WWOX: variants seen among roughly 807,000 people sequenced by gnomAD.
WWOX encodes the protein WW domain containing oxidoreductase.
A neutral mutation model predicts 46.2 loss-of-function variants in WWOX; 69 were observed. The observed-to-expected ratio is 1.49, with a 90% CI of 1.23 to 1.82. The LOEUF (loss-of-function observed/expected upper bound fraction) is 1.82, where lower values mean the gene tolerates loss of function less well. Ranked by LOEUF, WWOX falls within the 40% of genes most tolerant of loss-of-function variation. The probability of loss-of-function intolerance (pLI) is 0.00; values close to 1 mark genes in which losing one functional copy is unlikely to be tolerated. For missense variants in WWOX, 919 were observed against 542.6 expected (o/e 1.69, Z -6.89); for synonymous variants, 359 against 202.6 (o/e 1.77, Z -6.56).
chr16:78,582,871 G>A (rs189591074), intron 8 of WWOX, among the ~76,000 whole-genome samples: 37 of 152,212 alleles, frequency 2.4e-4, no homozygotes, highest in African/African-American at 7.2e-4. Context: ...GTGATGTACC[G>A]GGAACCTCCT....
intron 5 of WWOX, among the ~76,000 whole-genome samples, chr16:78,351,452 T>G (rs912786704): frequency 6.6e-6 from 1 of 151,882 alleles, no homozygotes; most frequent in Middle Eastern, 3.2e-3. Context: ...AGGGATGGGG[T>G]GAGGGGGGAT....
intron 8 of WWOX, among the ~76,000 whole-genome samples, chr16:78,723,185 T>G (rs989781272): frequency 4.6e-5 from 7 of 152,326 alleles, no homozygotes; most frequent in East Asian, 1.9e-4. Context: ...TCCCTCTGAT[T>G]GTCAGGCTTT....
intron 5 of WWOX, among the ~76,000 whole-genome samples, chr16:78,379,557 A>G (rs375510254): frequency 2.0e-5 from 3 of 152,192 alleles, no homozygotes; most frequent in Non-Finnish European, 4.4e-5. Flanking sequence ...AGATTTGCCA[A>G]AAGTCTGTGC....
intron 8 of WWOX, among the ~76,000 whole-genome samples, chr16:78,566,014 C>T (rs2044555614): frequency 6.6e-6 from 1 of 151,782 alleles, no homozygotes; most frequent in Non-Finnish European, 1.5e-5. Flanking sequence ...CAGCAGACCT[C>T]TATTCCTCAC....
chr16:78,114,294 C>CT (rs1202574655), intron 3 of WWOX, among the ~76,000 whole-genome samples: 1 of 152,082 alleles, frequency 6.6e-6, no homozygotes, highest in Non-Finnish European at 1.5e-5. Flanking sequence ...GAGATGAGGT[C>CT]TAACTATGTT....
chr16:78,774,472 G>A (rs1367746738), intron 8 of WWOX, among the ~76,000 whole-genome samples: 1 of 151,364 alleles, frequency 6.6e-6, no homozygotes, highest in Admixed American at 6.6e-5. Context: ...TCATTTTTTC[G>A]GGCAGTTTCT....
chr16:78,528,822 A>G (rs115076785), intron 8 of WWOX, among the ~76,000 whole-genome samples: 41 of 152,300 alleles, frequency 2.7e-4, no homozygotes, highest in African/African-American at 9.6e-4. Context: ...AAGGATTGGT[A>G]GAAATCAGGC....
At chr16:78,968,431 G>T (rs891094427) in intron 8 of WWOX, among the ~76,000 whole-genome samples, 2 of 152,202 alleles carry the variant, frequency 1.3e-5, no homozygotes, top group African/African-American at 4.8e-5. Context: ...TAGCCAAACT[G>T]TTCCCTAGGG....
chr16:79,173,884 G>A (rs1199243031), intron 8 of WWOX, among the ~76,000 whole-genome samples: 6 of 152,186 alleles, frequency 3.9e-5, no homozygotes, highest in Admixed American at 3.3e-4. Context: ...GACGGTGGGT[G>A]ATATATTATC....
chr16:79,048,201 A>G (rs982251046), intron 8 of WWOX, among the ~76,000 whole-genome samples: 1 of 152,126 alleles, frequency 6.6e-6, no homozygotes, highest in African/African-American at 2.4e-5. Context: ...TTTGAACTGA[A>G]GGGCAGGCCA....
intron 5 of WWOX, among the ~76,000 whole-genome samples, chr16:78,309,722 A>C (rs2080204150): frequency 6.6e-6 from 1 of 152,206 alleles, no homozygotes; most frequent in African/African-American, 2.4e-5. Flanking sequence ...AACGTACGTG[A>C]CTACCCAGAA....
At chr16:79,189,144 T>C (rs1170916643) in intron 8 of WWOX, among the ~76,000 whole-genome samples, 2 of 152,200 alleles carry the variant, frequency 1.3e-5, no homozygotes, top group East Asian at 1.9e-4. Context: ...CCCTGGGACA[T>C]TGGACTTTCT....
chr16:79,079,796 C>G (rs931964329), intron 8 of WWOX, among the ~76,000 whole-genome samples: 2 of 152,136 alleles, frequency 1.3e-5, no homozygotes, highest in Non-Finnish European at 2.9e-5. Context: ...AAGCATGTAT[C>G]TTTGGAATAA....
At chr16:78,565,695 T>C (rs1468231389) in intron 8 of WWOX, among the ~76,000 whole-genome samples, 1 of 152,168 alleles carries the variant, frequency 6.6e-6, no homozygotes, top group Non-Finnish European at 1.5e-5. Flanking sequence ...GAGTCATTAT[T>C]ACTCTACCAC....
At chr16:78,962,123 G>T (rs1005602575) in intron 8 of WWOX, among the ~76,000 whole-genome samples, 3 of 151,948 alleles carry the variant, frequency 2.0e-5, no homozygotes, top group African/African-American at 7.3e-5. Context: ...AGAGGGAGAG[G>T]CTTGCCATCT....
rs560353409 is a variant in WWOX at position 78,822,475 on chromosome 16, C to G, written c.1057-389133C>G. On this transcript the variant is annotated intron_variant, in intron 8 of 8. Transcript: ENST00000566780. ...CGCCAGTGTACTCCAGCCTGAGAGA[C>G]AGAGCCGAGACTCTGTCTCAAAGAA... Among the ~76,000 whole-genome samples the G allele has an allele frequency of 9.4e-5, 8 of 85,540 alleles. No homozygotes were observed. The Admixed American group carries it at 1.1e-3, about 11-fold the overall frequency. The allele number at this position is 85,540 out of a possible 152,430, so 56.1% of individuals were successfully genotyped here.
At chr16:78,834,220 G>A (rs564563421) in intron 8 of WWOX, among the ~76,000 whole-genome samples, 70 of 152,238 alleles carry the variant, frequency 4.6e-4, no homozygotes, top group African/African-American at 1.6e-3. Context: ...GCCGAACAGG[G>A]CCCGTGTGTT....
chr16:78,447,817 T>C (rs1006399795), intron 8 of WWOX, among the ~76,000 whole-genome samples: 9 of 152,108 alleles, frequency 5.9e-5, no homozygotes, highest in Admixed American at 1.3e-4. Flanking sequence ...TTATTATTAT[T>C]ATGTGAGTTG....
At chr16:78,815,910 C>G (rs914476366) in intron 8 of WWOX, among the ~76,000 whole-genome samples, 1 of 152,116 alleles carries the variant, frequency 6.6e-6, no homozygotes, top group African/African-American at 2.4e-5. Flanking sequence ...CTCAGAGGTT[C>G]TCTCCCCAAC....
Sources: allele counts gnomAD v4.1 joint callset (sites outside exome capture counted in the v4.1 genomes callset), GRCh38; gene constraint gnomAD v4.1.1; transcripts MANE v1.5; gene names NCBI Gene and HGNC (gene_info 2026-07-23, HGNC 2026-07-21).